Variants in MIPOL1 observed in about 807,000 individuals in gnomAD.
The protein encoded by MIPOL1 is mirror-image polydactyly 1.
In MIPOL1, 57 loss-of-function variants were observed where a neutral mutation model predicts 60.9. The ratio of observed to expected loss-of-function variants is 0.94; its 90% CI spans 0.76 to 1.17. MIPOL1 has a LOEUF of 1.17. MIPOL1 is among the 50% of genes most tolerant of loss of function. The probability of loss-of-function intolerance (pLI) is 0.00; values close to 1 mark genes in which losing one functional copy is unlikely to be tolerated. For missense variants in MIPOL1, 551 were observed against 511.6 expected (o/e 1.08, Z -0.74); for synonymous variants, 179 against 168.8 (o/e 1.06, Z -0.47).
chr14:37,366,135 AT>A (rs200825237), intron 9 of MIPOL1, among the ~76,000 whole-genome samples: 2 of 147,892 alleles, frequency 1.4e-5, no homozygotes, highest in African/African-American at 5.0e-5. Context: ...GATCTCTTGT[AT>A]TTTTTTTCAT....
chr14:37,331,860 G>T (rs1430057115), intron 9 of MIPOL1, among the ~76,000 whole-genome samples: 2 of 152,118 alleles, frequency 1.3e-5, no homozygotes, highest in African/African-American at 4.8e-5. Context: ...CTTACAGAAA[G>T]CACTTTCAGG....
At chr14:37,294,369 C>G (rs2153420953) in intron 7 of MIPOL1, among the ~76,000 whole-genome samples, 1 of 152,216 alleles carries the variant, frequency 6.6e-6, no homozygotes, top group East Asian at 1.9e-4. Flanking sequence ...AAAACCAGAG[C>G]AGAAAAACCG....
intron 7 of MIPOL1, among the ~76,000 whole-genome samples, chr14:37,305,951 T>C (rs2086753137): frequency 6.6e-6 from 1 of 151,814 alleles, no homozygotes; most frequent in Non-Finnish European, 1.5e-5. Context: ...ATCGGCAAAA[T>C]GACAAGTCAG....
intron 10 of MIPOL1, among the ~76,000 whole-genome samples, chr14:37,399,090 C>T (rs866955892): frequency 5.3e-5 from 8 of 152,146 alleles, no homozygotes; most frequent in Admixed American, 6.5e-5. Context: ...AAGGGGCCAA[C>T]GCATCTCTTA....
At chr14:37,370,193 C>G (rs1306517133) in intron 10 of MIPOL1, among the ~76,000 whole-genome samples, 2 of 152,134 alleles carry the variant, frequency 1.3e-5, no homozygotes, top group African/African-American at 2.4e-5. Flanking sequence ...AAAGTTCTGT[C>G]TCATTGTATT....
intron 1 of MIPOL1, among the ~76,000 whole-genome samples, chr14:37,226,378 C>T (rs1304678153): frequency 6.6e-6 from 1 of 152,160 alleles, no homozygotes; most frequent in African/African-American, 2.4e-5. Flanking sequence ...ACTCACAGTT[C>T]TACGTGGATG....
rs570534631 is a variant in MIPOL1, at chr14:37,469,219, C to T, written c.1032-30689C>T. Among the ~76,000 whole-genome samples, 10 of 152,198 alleles carry T rather than the reference C, an allele frequency of 6.6e-5. No homozygotes were observed. The East Asian group carries it at 1.9e-3, about 29-fold the overall frequency. On this transcript the variant is annotated intron_variant, in intron 11 of 12. Coordinates refer to ENST00000684589, the MANE Select transcript of MIPOL1 (RefSeq NM_001388067.1). ...ACAGTTCTGCAGGCTGTGTAGGAAG[C>T]ATAGTGGCATCTGCTTCTGGAGAGG...
chr14:37,207,351 C>T lies in MIPOL1; in HGVS notation c.-199+9247C>T, dbSNP rs769408494. Among the ~76,000 whole-genome samples the T allele has an allele frequency of 1.1e-4, 17 of 152,176 alleles. No individual in the cohort carries two copies. The East Asian group carries it at 2.1e-3, about 19-fold the overall frequency. On this transcript the variant is annotated intron_variant, in intron 1 of 12. Transcript: ENST00000684589. The stretch of plus-strand genomic sequence containing the variant: ...CTTCCATGATGATTGTGAGGCCTCT[C>T]GATCCATGTGGAACTGTGAGTCTAT...
intron 9 of MIPOL1, among the ~76,000 whole-genome samples, chr14:37,349,550 A>G (rs1441732770): frequency 3.3e-5 from 5 of 152,014 alleles, no homozygotes; most frequent in Non-Finnish European, 7.4e-5. Flanking sequence ...CTTTGCACTT[A>G]CTGTTCCTTC....
chr14:37,488,986 T>G (rs1216440908), intron 11 of MIPOL1, among the ~76,000 whole-genome samples: 2 of 152,222 alleles, frequency 1.3e-5, no homozygotes, highest in Non-Finnish European at 2.9e-5. Context: ...TGTTGGACTG[T>G]CTTGCTAGGT....
In MIPOL1 at chr14:37,465,609, C is replaced by T. The variant is rs2094588680; in HGVS notation, c.1032-34299C>T. Among the ~76,000 whole-genome samples, 4 of 152,032 alleles carry T rather than the reference C, an allele frequency of 2.6e-5. No individual in the cohort carries two copies. The South Asian group carries it at 8.3e-4, about 32-fold the overall frequency. ...ATTTTAACCCTTTTGATATTGGATGCATCTTGTAGAGTCATTAATTCAATG... is the reference window on the plus strand; with the variant it reads ...ATTTTAACCCTTTTGATATTGGATGTATCTTGTAGAGTCATTAATTCAATG... On this transcript the variant is annotated intron_variant, in intron 11 of 12. Coordinates refer to ENST00000684589, the MANE Select transcript of MIPOL1 (RefSeq NM_001388067.1).
chr14:37,324,275 T>G (rs900828664), intron 9 of MIPOL1, among the ~76,000 whole-genome samples: 12 of 152,056 alleles, frequency 7.9e-5, no homozygotes, highest in Admixed American at 5.9e-4. Context: ...CATGTATTGG[T>G]ATATCATTGT....
At chr14:37,537,269 A>G (rs2095510402) in intron 12 of MIPOL1, among the ~76,000 whole-genome samples, 1 of 152,174 alleles carries the variant, frequency 6.6e-6, no homozygotes, top group Admixed American at 6.5e-5. Context: ...TATGATATCC[A>G]TGTAAACTTT....
chr14:37,261,259 A>G (rs1205190221), intron 3 of MIPOL1, among the ~76,000 whole-genome samples: 4 of 151,806 alleles, frequency 2.6e-5, no homozygotes, highest in Non-Finnish European at 5.9e-5. Flanking sequence ...ACAGAATAAG[A>G]TTATTTGGGC....
intron 10 of MIPOL1, among the ~76,000 whole-genome samples, chr14:37,419,438 C>T (rs2093829980): frequency 6.6e-6 from 1 of 152,036 alleles, no homozygotes; most frequent in Non-Finnish European, 1.5e-5. Flanking sequence ...TCAAAATTTA[C>T]AGAACTATAT....
chr14:37,447,456 T>G (rs954669223), intron 11 of MIPOL1, among the ~76,000 whole-genome samples: 2 of 152,190 alleles, frequency 1.3e-5, no homozygotes, highest in Non-Finnish European at 2.9e-5. Context: ...CTTTTATGTT[T>G]TATCTTCAAA....
intron 12 of MIPOL1, among the ~76,000 whole-genome samples, chr14:37,516,129 G>A (rs1393019868): frequency 2.0e-5 from 3 of 152,136 alleles, no homozygotes; most frequent in Non-Finnish European, 2.9e-5. Flanking sequence ...TATTCAGTGT[G>A]GGGTTTTATA....
At chr14:37,517,854 A>G (rs1271714688) in intron 12 of MIPOL1, among the ~76,000 whole-genome samples, 1 of 152,194 alleles carries the variant, frequency 6.6e-6, no homozygotes, top group Non-Finnish European at 1.5e-5. Flanking sequence ...TTACCTTTGG[A>G]AGTATATGGG....
intron 9 of MIPOL1, among the ~76,000 whole-genome samples, chr14:37,360,691 G>T (rs1256739313): frequency 6.6e-6 from 1 of 152,008 alleles, no homozygotes; most frequent in Non-Finnish European, 1.5e-5. Context: ...TATTGCGTCT[G>T]TTTGATTCTT....
Sources: allele counts gnomAD v4.1 joint callset (sites outside exome capture counted in the v4.1 genomes callset), GRCh38; gene constraint gnomAD v4.1.1; transcripts MANE v1.5; gene names NCBI Gene and HGNC (gene_info 2026-07-23, HGNC 2026-07-21).